SH3GL3: variants seen among roughly 807,000 people sequenced by gnomAD.
The protein encoded by SH3GL3 is endophilin-A3.
Under a neutral mutation model 47.7 loss-of-function variants are expected in SH3GL3, and 33 were observed. The observed-to-expected ratio is 0.69, with a 90% CI of 0.52 to 0.92. SH3GL3 has a LOEUF of 0.92. Ranked by LOEUF, SH3GL3 falls within the 40% of genes least tolerant of loss-of-function variation. The pLI is 0.00. For synonymous variants in SH3GL3, 155 were observed against 148.8 expected (o/e 1.04, Z -0.30); for missense variants, 363 against 417.8 (o/e 0.87, Z 1.14).
intron 8 of SH3GL3, among the ~76,000 whole-genome samples, chr15:83,600,732 TG>T (rs2060358494): frequency 1.3e-5 from 2 of 152,094 alleles, no homozygotes; most frequent in African/African-American, 2.4e-5. Flanking sequence ...TGAAGAATGA[TG>T]GTGGTATTTT....
chr15:83,530,944 T>G (rs968869271), intron 1 of SH3GL3, among the ~76,000 whole-genome samples: 51 of 152,210 alleles, frequency 3.4e-4, no homozygotes, highest in African/African-American at 1.2e-3. Context: ...AGACAGCAAA[T>G]AGTAACAACC....
At chr15:83,547,236 G>A (rs1466231730) in intron 1 of SH3GL3, among the ~76,000 whole-genome samples, 2 of 152,188 alleles carry the variant, frequency 1.3e-5, no homozygotes, top group Non-Finnish European at 2.9e-5. Context: ...CTGACTGCTG[G>A]GATGGACGAT....
chr15:83,493,761 C>A (rs1481149222), intron 1 of SH3GL3, among the ~76,000 whole-genome samples: 1 of 143,614 alleles, frequency 7.0e-6, no homozygotes, highest in Non-Finnish European at 1.5e-5. Context: ...AGTACCAGAA[C>A]TGCTGGGCGG....
intron 8 of SH3GL3, among the ~76,000 whole-genome samples, chr15:83,607,905 AC>A (rs1206461991): frequency 6.6e-6 from 1 of 151,260 alleles, no homozygotes; most frequent in African/African-American, 2.4e-5. Context: ...AAAAAAAACA[AC>A]CCACACACAT....
intron 1 of SH3GL3, among the ~76,000 whole-genome samples, chr15:83,526,553 G>A (rs2043428306): frequency 6.6e-6 from 1 of 152,066 alleles, no homozygotes; most frequent in South Asian, 2.1e-4. Context: ...CGTTAACAAA[G>A]TAACACAGGA....
At chr15:83,587,178 C>T in intron 7 of SH3GL3, 92 bp downstream of exon 7, 1 of 645,164 alleles carries the variant, frequency 1.5e-6, no homozygotes, top group Non-Finnish European at 2.7e-6. Flanking sequence ...TCCATCTCCC[C>T]CTTCCCCTGC....
chr15:83,630,070 T>TA, the SH3GL3 span, among the ~76,000 whole-genome samples: 2 of 152,306 alleles, frequency 1.3e-5, no homozygotes, highest in Non-Finnish European at 2.9e-5. Context: ...GATAGTTTTA[T>TA]AAAAAGAAGT....
chr15:83,538,779 GCAT>G (rs1242626339), intron 1 of SH3GL3, among the ~76,000 whole-genome samples: 3 of 152,002 alleles, frequency 2.0e-5, no homozygotes, highest in African/African-American at 7.2e-5. Context: ...ATTAATATGG[GCAT>G]TTGTTTCTAG....
chr15:83,488,302 G>C (rs931586307), intron 1 of SH3GL3: 1 of 152,230 alleles, frequency 6.6e-6, no homozygotes, highest in African/African-American at 2.4e-5. Context: ...CCCAGGTGAG[G>C]AGGTTGCATG....
chr15:83,491,041 G>T, intron 1 of SH3GL3: 1 of 1,435,256 alleles, frequency 7.0e-7, no homozygotes, highest in Non-Finnish European at 9.3e-7. Context: ...TATTAGCAAG[G>T]AGTGATGATT....
At chr15:83,599,274 T>A (rs2060317279) in intron 8 of SH3GL3, among the ~76,000 whole-genome samples, 1 of 152,200 alleles carries the variant, frequency 6.6e-6, no homozygotes, top group Admixed American at 6.5e-5. Flanking sequence ...GTGGTGATAT[T>A]TGTGAGATTT....
chr15:83,577,314 T>C (rs1335671196), intron 6 of SH3GL3, among the ~76,000 whole-genome samples: 6 of 152,212 alleles, frequency 3.9e-5, no homozygotes, highest in Non-Finnish European at 7.3e-5. Flanking sequence ...AAACTTGCTC[T>C]AAAGCCTTAG....
chr15:83,479,230 G>C (rs998288006), intron 1 of SH3GL3, among the ~76,000 whole-genome samples: 2 of 152,192 alleles, frequency 1.3e-5, no homozygotes, highest in Non-Finnish European at 2.9e-5. Context: ...ATAGCCTGAT[G>C]GTTAGAGTGT....
chr15:83,517,603 G>C (rs1490183402), intron 1 of SH3GL3, among the ~76,000 whole-genome samples: 2 of 152,042 alleles, frequency 1.3e-5, no homozygotes, highest in Non-Finnish European at 2.9e-5. Flanking sequence ...GTTGTGAAAG[G>C]TCTGCCCAAC....
At chr15:83,622,930 A>G (rs142725876), downstream of SH3GL3, among the ~76,000 whole-genome samples, 522 of 152,342 alleles carry the variant, frequency 3.4e-3, 2 homozygotes, top group African/African-American at 0.012. Context: ...TCCCGAGGCA[A>G]TGGAGACTTT....
chr15:83,524,396 A>G (rs768330111), intron 1 of SH3GL3, among the ~76,000 whole-genome samples: 1 of 152,196 alleles, frequency 6.6e-6, no homozygotes. Flanking sequence ...TTATTGATCC[A>G]TAACATTTGT....
In SH3GL3 at chr15:83,484,102, C is replaced by T. The variant is rs991155167; in HGVS notation, c.45+36524C>T. Among the ~76,000 whole-genome samples the T allele has an allele frequency of 3.3e-5, 5 of 152,316 alleles. No homozygotes were observed. In the South Asian group the frequency reaches 1.0e-3, roughly 32 times the overall value. On this transcript the variant is annotated intron_variant, in intron 1 of 8. Transcript: ENST00000427482. ...CTCCACTACTGATTGTATCTTTCAGCAATCTCAAATGACCCTCTTTAATCC... is the reference window on the plus strand; with the variant it reads ...CTCCACTACTGATTGTATCTTTCAGTAATCTCAAATGACCCTCTTTAATCC...
At position 83,559,282 on chromosome 15, in the gene SH3GL3, A is replaced by G. The variant is rs765400265; in HGVS notation, c.75A>G (p.Glu25=). The change falls in exon 2 of 9, where the codon GAA becomes GAG. Residue 25 remains glutamate (E), a synonymous_variant. Coordinates refer to ENST00000427482, the MANE Select transcript of SH3GL3 (RefSeq NM_003027.5). ...QLFSEKISGA[E]GTKLDDEFLD... ...TTAGTGAAAAAATAAGTGGTGCTGA[A>G]GGAACTAAACTAGACGATGAATTTC... 4 of 1,592,162 alleles carry G rather than the reference A, an allele frequency of 2.5e-6. No individual in the cohort carries two copies. The South Asian group carries it at 4.4e-5, about 18-fold the overall frequency.
At chr15:83,494,984 C>G (rs2042024366) in intron 1 of SH3GL3, among the ~76,000 whole-genome samples, 1 of 152,150 alleles carries the variant, frequency 6.6e-6, no homozygotes, top group African/African-American at 2.4e-5. Context: ...TCTCCCCCTT[C>G]CAGATGCTCC....
Sources: gnomAD v4.1 joint callset for allele counts (sites outside exome capture counted in the v4.1 genomes callset) on GRCh38, gnomAD v4.1.1 for gene constraint, MANE v1.5 for transcripts, NCBI Gene and HGNC (gene_info 2026-07-23, HGNC 2026-07-21) for gene names.